NKAIN2: variants seen among roughly 807,000 people sequenced by gnomAD.
The protein encoded by NKAIN2 is sodium/potassium-transporting ATPase subunit beta-1-interacting protein 2.
In NKAIN2, 14 loss-of-function variants were observed where a neutral mutation model predicts 32.6. The ratio of observed to expected loss-of-function variants is 0.43; its 90% CI spans 0.28 to 0.67. The LOEUF is 0.67. Ranked by LOEUF, NKAIN2 falls within the 30% of genes least tolerant of loss-of-function variation. The pLI is 0.17. For synonymous variants in NKAIN2, 80 were observed against 87.2 expected, an observed-to-expected ratio of 0.92 and a Z score of 0.46; for missense variants, 198 against 258.3, an observed-to-expected ratio of 0.77 and a Z score of 1.60.
chr6:124,333,303 A>G (rs1797738185), intron 2 of NKAIN2, among the ~76,000 whole-genome samples: 1 of 152,160 alleles, frequency 6.6e-6, no homozygotes, highest in Non-Finnish European at 1.5e-5. Flanking sequence ...ATTAACAACC[A>G]TTTACTATCT....
At chr6:124,485,335 C>T (rs1399348299) in intron 3 of NKAIN2, among the ~76,000 whole-genome samples, 4 of 152,108 alleles carry the variant, frequency 2.6e-5, no homozygotes, top group Admixed American at 2.6e-4. Flanking sequence ...ACATCACACT[C>T]CACTCCCCAT....
At chr6:123,849,324 A>G (rs1775219107) in intron 1 of NKAIN2, among the ~76,000 whole-genome samples, 10 of 152,196 alleles carry the variant, frequency 6.6e-5, no homozygotes, top group Admixed American at 6.5e-4. Context: ...TGTTCCTAGG[A>G]AAAAACCAGT....
At chr6:124,549,592 A>C (rs1479215485) in intron 3 of NKAIN2, among the ~76,000 whole-genome samples, 1 of 152,056 alleles carries the variant, frequency 6.6e-6, no homozygotes, top group Non-Finnish European at 1.5e-5. Flanking sequence ...TCACTACTGC[A>C]TTTTTCCTTG....
chr6:124,719,846 A>T (rs919313573), intron 4 of NKAIN2, among the ~76,000 whole-genome samples: 4 of 152,120 alleles, frequency 2.6e-5, no homozygotes, highest in African/African-American at 9.7e-5. Context: ...ACTTTAAAAA[A>T]TTAAGCCAAT....
intron 1 of NKAIN2, among the ~76,000 whole-genome samples, chr6:124,149,657 G>A (rs1014054163): frequency 6.6e-6 from 1 of 152,154 alleles, no homozygotes; most frequent in African/African-American, 2.4e-5. Context: ...CCTTGTACCA[G>A]TACCACATGA....
At chr6:124,218,478 T>C (rs1791605629) in intron 1 of NKAIN2, among the ~76,000 whole-genome samples, 1 of 152,182 alleles carries the variant, frequency 6.6e-6, no homozygotes, top group African/African-American at 2.4e-5. Context: ...ATTTCTTGAT[T>C]CTTAATAGGA....
At chr6:124,492,844 G>T (rs72971770) in intron 3 of NKAIN2, among the ~76,000 whole-genome samples, 7,573 of 151,944 alleles carry the variant, frequency 0.05, 257 homozygotes, top group Middle Eastern at 0.13. Flanking sequence ...CAAACATACT[G>T]AAAATTTTGC....
chr6:124,539,941 G>A (rs1190208680), intron 3 of NKAIN2, among the ~76,000 whole-genome samples: 7 of 152,174 alleles, frequency 4.6e-5, no homozygotes, highest in Middle Eastern at 3.4e-3. Flanking sequence ...GGCTGGTCTC[G>A]AACTCCTGAG....
chr6:124,642,941 T>G (rs963497596), intron 3 of NKAIN2, among the ~76,000 whole-genome samples: 1 of 152,136 alleles, frequency 6.6e-6, no homozygotes, highest in African/African-American at 2.4e-5. Context: ...CTTCTCTGTA[T>G]CCTTGTAGAA....
intron 4 of NKAIN2, among the ~76,000 whole-genome samples, chr6:124,684,975 A>G (rs372991986): frequency 1.3e-5 from 2 of 152,170 alleles, no homozygotes; most frequent in African/African-American, 4.8e-5. Context: ...TCCATCCCAT[A>G]AGATCCAGCT....
At chr6:124,335,865 T>C (rs560583390) in intron 2 of NKAIN2, among the ~76,000 whole-genome samples, 1 of 152,312 alleles carries the variant, frequency 6.6e-6, no homozygotes, top group East Asian at 1.9e-4. Context: ...GAACACACTT[T>C]ATCTATTTTT....
chr6:124,375,168 T>C (rs892180415), intron 3 of NKAIN2, among the ~76,000 whole-genome samples: 1 of 151,986 alleles, frequency 6.6e-6, no homozygotes, highest in Non-Finnish European at 1.5e-5. Context: ...TACGGTCACC[T>C]CCTCAATAAG....
intron 2 of NKAIN2, among the ~76,000 whole-genome samples, chr6:124,344,035 C>A (rs1312651528): frequency 2.0e-5 from 3 of 152,156 alleles, no homozygotes; most frequent in Non-Finnish European, 4.4e-5. Context: ...CATCCAGTTT[C>A]AGCTTTCTCC....
intron 1 of NKAIN2, among the ~76,000 whole-genome samples, chr6:124,141,050 G>T (rs1456289710): frequency 6.6e-6 from 1 of 152,164 alleles, no homozygotes; most frequent in Non-Finnish European, 1.5e-5. Context: ...TACCATATGA[G>T]ATTGCTGTCA....
chr6:123,875,261 T>C (rs1262606600), intron 1 of NKAIN2, among the ~76,000 whole-genome samples: 1 of 151,986 alleles, frequency 6.6e-6, no homozygotes, highest in Non-Finnish European at 1.5e-5. Context: ...AGTTATTTGG[T>C]TAAAACGTAT....
chr6:123,883,283 T>C (rs1284504858), intron 1 of NKAIN2, among the ~76,000 whole-genome samples: 1 of 152,108 alleles, frequency 6.6e-6, no homozygotes, highest in African/African-American at 2.4e-5. Flanking sequence ...TAGCTGGGAC[T>C]ATAGGCACCC....
chr6:124,624,147 T>C (rs1783213099), intron 3 of NKAIN2, among the ~76,000 whole-genome samples: 1 of 152,126 alleles, frequency 6.6e-6, no homozygotes, highest in Non-Finnish European at 1.5e-5. Flanking sequence ...GGGACCCTTA[T>C]GTTAAGTAAA....
intron 4 of NKAIN2, among the ~76,000 whole-genome samples, chr6:124,691,460 G>A (rs899731442): frequency 1.3e-5 from 2 of 152,078 alleles, no homozygotes; most frequent in Non-Finnish European, 1.5e-5. Flanking sequence ...CTTCATAATT[G>A]ATTTTCTGGC....
At chr6:124,414,244 G>A (rs935267988) in intron 3 of NKAIN2, among the ~76,000 whole-genome samples, 31 of 152,176 alleles carry the variant, frequency 2.0e-4, no homozygotes, top group Admixed American at 1.4e-3. Flanking sequence ...TCGGAAATGT[G>A]TGAATAGATT....
Sources: allele counts gnomAD v4.1 joint callset (sites outside exome capture counted in the v4.1 genomes callset), GRCh38; gene constraint gnomAD v4.1.1; transcripts MANE v1.5; gene names NCBI Gene and HGNC (gene_info 2026-07-23, HGNC 2026-07-21).